Variants in CDH18 observed in about 807,000 individuals in gnomAD.
The protein encoded by CDH18 is cadherin 18, also known as cadherin-18.
A neutral mutation model predicts 67.9 loss-of-function variants in CDH18; 31 were observed. The observed-to-expected ratio is 0.46, with a 90% CI of 0.34 to 0.62. The LOEUF is 0.62. Ranked by LOEUF, CDH18 falls within the 20% of genes least tolerant of loss-of-function variation. The probability of loss-of-function intolerance (pLI) is 0.01; values close to 1 mark genes in which losing one functional copy is unlikely to be tolerated. For synonymous variants in CDH18, 362 were observed against 347.2 expected, an observed-to-expected ratio of 1.04 and a Z score of -0.48; for missense variants, 890 against 975.5, an observed-to-expected ratio of 0.91 and a Z score of 1.17.
At chr5:20,030,035 C>T (rs750894738) in intron 2 of CDH18, among the ~76,000 whole-genome samples, 17 of 152,240 alleles carry the variant, frequency 1.1e-4, no homozygotes, top group Admixed American at 2.0e-4. Context: ...CCTCAGCTCC[C>T]GGAGGCTACC....
chr5:20,069,438 A>AGT (rs1743264967), intron 2 of CDH18, among the ~76,000 whole-genome samples: 2 of 151,330 alleles, frequency 1.3e-5, no homozygotes, highest in South Asian at 4.2e-4. Flanking sequence ...TTTGAGACGG[A>AGT]GTCTCACTCT....
At chr5:19,925,917 G>C (rs1222113958) in intron 2 of CDH18, among the ~76,000 whole-genome samples, 2 of 152,026 alleles carry the variant, frequency 1.3e-5, no homozygotes, top group Non-Finnish European at 2.9e-5. Context: ...AATGGCACCA[G>C]GTATGGTCTA....
rs370638576 is a variant in CDH18 at position 19,655,109 on chromosome 5, T to C, written c.644-42508A>G. Among the ~76,000 whole-genome samples, 5 of 152,260 alleles carry C rather than the reference T, an allele frequency of 3.3e-5. No individual in the cohort carries two copies. The East Asian group carries it at 5.8e-4, about 18-fold the overall frequency. On this transcript the variant is annotated intron_variant, in intron 5 of 12. Transcript: ENST00000382275. ...TTTTCTAGGCTTGAGAGTGGGGCCT[T>C]TGCCAGGGAACTGCCCTCTTTTACC...
At chr5:20,072,191 G>A (rs924543212) in intron 2 of CDH18, among the ~76,000 whole-genome samples, 2 of 152,006 alleles carry the variant, frequency 1.3e-5, no homozygotes, top group African/African-American at 2.4e-5. Context: ...AAACTACACA[G>A]TAACTAAAAA....
At chr5:19,831,343 T>A (rs946686437) in intron 3 of CDH18, among the ~76,000 whole-genome samples, 1 of 151,974 alleles carries the variant, frequency 6.6e-6, no homozygotes, top group African/African-American at 2.4e-5. Context: ...AACTATAGAA[T>A]GGGAGAAAAT....
chr5:19,591,089 C>G lies in CDH18; in HGVS notation c.967G>C (p.Glu323Gln). 5.0e-6 allele frequency: 8 copies of G among 1,606,746 alleles called. No homozygotes were observed. Among genetic ancestry groups the G allele is most frequent in the East Asian group, 2.2e-5 (1 of 44,648 alleles). ...MGIFSISTDKETREGILSLKK... is the reference protein window; with the variant it reads ...MGIFSISTDKQTREGILSLKK... The stretch of plus-strand genomic sequence containing the variant: ...AAAGAAAGGATTCCTTCTCTGGTCT[C>G]TTTGTCAGTGGAGATTGAGAATATT... Residue 323 changes from glutamate to glutamine, a missense_variant, in exon 7 of 13, where the codon GAG becomes CAG. Transcript: ENST00000382275.
At chr5:20,246,521 A>G (rs755443074) in intron 2 of CDH18, among the ~76,000 whole-genome samples, 5 of 152,212 alleles carry the variant, frequency 3.3e-5, no homozygotes, top group Non-Finnish European at 5.9e-5. Flanking sequence ...ACATGCTTTG[A>G]AGGTATTTGA....
chr5:20,372,768 T>C (rs181654598), intron 1 of CDH18, among the ~76,000 whole-genome samples: 1 of 152,294 alleles, frequency 6.6e-6, no homozygotes, highest in Non-Finnish European at 1.5e-5. Flanking sequence ...TTTCCTCATA[T>C]TGGATGATTT....
chr5:19,656,152 G>A (rs967101194), intron 5 of CDH18, among the ~76,000 whole-genome samples: 1 of 151,766 alleles, frequency 6.6e-6, no homozygotes, highest in Non-Finnish European at 1.5e-5. Context: ...ATTTACTTCT[G>A]AGTAACTTAT....
intron 5 of CDH18, among the ~76,000 whole-genome samples, chr5:19,681,830 C>A (rs956756496): frequency 1.3e-5 from 2 of 151,878 alleles, no homozygotes; most frequent in Non-Finnish European, 2.9e-5. Flanking sequence ...TAAAAAAAAT[C>A]TCTGTGGTCA....
intron 5 of CDH18, among the ~76,000 whole-genome samples, chr5:19,619,230 T>A: frequency 6.6e-6 from 1 of 152,220 alleles, no homozygotes; most frequent in East Asian, 1.9e-4. Flanking sequence ...AATGTGTTTC[T>A]ACTCTGTATA....
chr5:20,073,446 C>G (rs1025412766), intron 2 of CDH18, among the ~76,000 whole-genome samples: 1 of 151,920 alleles, frequency 6.6e-6, no homozygotes, highest in Non-Finnish European at 1.5e-5. Flanking sequence ...GCATTTTGAA[C>G]CAGAATTTTT....
chr5:19,721,504 C>T, intron 4 of CDH18, 38 bp from the exon 5 acceptor site: 1 of 1,584,438 alleles, frequency 6.3e-7, no homozygotes, highest in Non-Finnish European at 8.6e-7. Context: ...TGTGTGATGG[C>T]ATTTAGCATA....
intron 5 of CDH18, among the ~76,000 whole-genome samples, chr5:19,674,146 A>C (rs944865070): frequency 6.6e-6 from 1 of 152,094 alleles, no homozygotes; most frequent in Non-Finnish European, 1.5e-5. Flanking sequence ...TTTGGTGAGG[A>C]ATAAGGACCA....
intron 2 of CDH18, among the ~76,000 whole-genome samples, chr5:20,006,948 A>G (rs1346948700): frequency 2.6e-5 from 4 of 151,918 alleles, no homozygotes; most frequent in South Asian, 2.1e-4. Flanking sequence ...AAATAGGTCA[A>G]TTTTCATGTA....
At chr5:19,810,480 A>G (rs562656971) in intron 3 of CDH18, among the ~76,000 whole-genome samples, 283 of 152,284 alleles carry the variant, frequency 1.9e-3, no homozygotes, top group African/African-American at 6.5e-3. Context: ...TTAATACATT[A>G]GAGATAAAAC....
chr5:20,301,754 C>A (rs1735932755), intron 1 of CDH18, among the ~76,000 whole-genome samples: 1 of 151,084 alleles, frequency 6.6e-6, no homozygotes, highest in Admixed American at 6.6e-5. Flanking sequence ...TTCTTCCCCT[C>A]CACACCAGAA....
chr5:19,632,154 AT>A (rs1463290367), intron 5 of CDH18, among the ~76,000 whole-genome samples: 1 of 152,216 alleles, frequency 6.6e-6, no homozygotes, highest in Non-Finnish European at 1.5e-5. Flanking sequence ...CTTTAAAAAA[AT>A]AAAGAGTACT....
In CDH18 at chr5:19,590,484, GGATA is replaced by G. The variant is rs145201697; in HGVS notation, c.999+569_999+572del. On this transcript the variant is annotated intron_variant, in intron 7 of 12. Transcript: ENST00000382275. Reference sequence around the variant, plus strand: ...TATGTATACAAGTAGCTAGACAGATGGATAGATAGATAGATAGATAGATAGACAG... The same window carrying G: ...TATGTATACAAGTAGCTAGACAGATGGATAGATAGATAGATAGATAGACAG... 7.2e-3 allele frequency among the ~76,000 whole-genome samples: 1,082 copies of G among 149,804 alleles called. 27 individuals carry two copies. Among genetic ancestry groups the G allele is most frequent in the East Asian group, 0.054 (273 of 5,062 alleles).
Sources: allele counts gnomAD v4.1 joint callset (sites outside exome capture counted in the v4.1 genomes callset), GRCh38; gene constraint gnomAD v4.1.1; transcripts MANE v1.5; gene names NCBI Gene and HGNC (gene_info 2026-07-23, HGNC 2026-07-21).